The following EVI5 variants were observed in gnomAD, a reference collection of about 807,000 sequenced individuals.
EVI5 encodes the protein ecotropic viral integration site 5 protein homolog.
EVI5 carries 73 observed loss-of-function variants against 112.0 expected under a neutral mutation model. The observed-to-expected ratio is 0.65, with a 90% CI of 0.54 to 0.79. The LOEUF (loss-of-function observed/expected upper bound fraction) is 0.79, where lower values mean the gene tolerates loss of function less well. EVI5 is among the 30% of genes least tolerant of loss of function. The probability of loss-of-function intolerance (pLI) is 0.00; values close to 1 mark genes in which losing one functional copy is unlikely to be tolerated. For synonymous variants in EVI5, 305 were observed against 319.9 expected, an observed-to-expected ratio of 0.95 and a Z score of 0.50; for missense variants, 900 against 968.8, an observed-to-expected ratio of 0.93 and a Z score of 0.94.
intron 11 of EVI5, among the ~76,000 whole-genome samples, chr1:92,664,929 G>A (rs1360152871): frequency 6.6e-6 from 1 of 152,212 alleles, no homozygotes; most frequent in Non-Finnish European, 1.5e-5. Context: ...AAAAGTGGCT[G>A]GGCACGGTGG....
chr1:92,635,176 G>A lies in EVI5; in HGVS notation c.1527+1026C>T, dbSNP rs77897080. Among the ~76,000 whole-genome samples, 16 of 152,288 alleles carry A rather than the reference G, an allele frequency of 1.1e-4. 1 individual carries two copies. Among genetic ancestry groups the A allele is most frequent in the South Asian group, 4.1e-4 (2 of 4,826 alleles). On this transcript the variant is annotated intron_variant, in intron 14 of 19. Coordinates refer to ENST00000684568, the MANE Select transcript of EVI5 (RefSeq NM_001350197.2). ...TGTCGGTTCTCAGATCTCAAGCTGCGTGCTGGGAGAACCACTACTCTCTTC... is the reference window on the plus strand; with the variant it reads ...TGTCGGTTCTCAGATCTCAAGCTGCATGCTGGGAGAACCACTACTCTCTTC...
At chr1:92,514,707 C>A (rs1659603374) in intron 19 of EVI5, among the ~76,000 whole-genome samples, 2 of 152,106 alleles carry the variant, frequency 1.3e-5, no homozygotes, top group Non-Finnish European at 2.9e-5. Flanking sequence ...CATTACACAC[C>A]TCTTGTTCCT....
At chr1:92,689,705 G>C (rs561734154) in intron 9 of EVI5, among the ~76,000 whole-genome samples, 1 of 151,766 alleles carries the variant, frequency 6.6e-6, no homozygotes, top group Non-Finnish European at 1.5e-5. Context: ...TTAGACTATA[G>C]ATTAGTGTCA....
intron 2 of EVI5, among the ~76,000 whole-genome samples, chr1:92,731,523 T>A (rs1676467741): frequency 6.6e-6 from 1 of 152,184 alleles, no homozygotes; most frequent in Admixed American, 6.6e-5. Context: ...AACCAAAATT[T>A]CAGCAGGCGT....
chr1:92,792,267 A>C (rs1461068663), intron 1 of EVI5: 1 of 942,464 alleles, frequency 1.1e-6, no homozygotes, highest in Non-Finnish European at 1.7e-6. Context: ...CTAACTCAAT[A>C]ACAAATTACT....
At chr1:92,715,684 T>A (rs952342440) in intron 2 of EVI5, among the ~76,000 whole-genome samples, 2 of 152,162 alleles carry the variant, frequency 1.3e-5, no homozygotes, top group African/African-American at 4.8e-5. Flanking sequence ...GCACAAGGCT[T>A]CGGGGGATTT....
chr1:92,523,210 A>G (rs1661255500), intron 19 of EVI5, among the ~76,000 whole-genome samples: 1 of 152,080 alleles, frequency 6.6e-6, no homozygotes, highest in South Asian at 2.1e-4. Flanking sequence ...TTATTATGGA[A>G]TATTTTTTTA....
chr1:92,699,737 CAT>C (rs1670854363), intron 5 of EVI5, among the ~76,000 whole-genome samples: 1 of 152,134 alleles, frequency 6.6e-6, no homozygotes, highest in South Asian at 2.1e-4. Context: ...CATGATGGCA[CAT>C]GTTTGTGTAT....
At chr1:92,697,420 G>GA (rs1269954664) in intron 6 of EVI5, among the ~76,000 whole-genome samples, 1 of 151,092 alleles carries the variant, frequency 6.6e-6, no homozygotes. Flanking sequence ...AACATTACAG[G>GA]AAAAAAAATT....
At chr1:92,590,285 GAGA>G (rs1673589703) in intron 18 of EVI5, among the ~76,000 whole-genome samples, 1 of 152,156 alleles carries the variant, frequency 6.6e-6, no homozygotes, top group South Asian at 2.1e-4. Context: ...GACGAGTTGA[GAGA>G]AGAAGGCTTC....
intron 18 of EVI5, among the ~76,000 whole-genome samples, chr1:92,576,590 T>C (rs1011083911): frequency 6.6e-6 from 1 of 152,132 alleles, no homozygotes; most frequent in African/African-American, 2.4e-5. Context: ...GGTAGGCAAG[T>C]AACTGAATAA....
intron 1 of EVI5, among the ~76,000 whole-genome samples, chr1:92,745,535 C>T (rs2102883843): frequency 6.6e-6 from 1 of 152,208 alleles, no homozygotes; most frequent in East Asian, 1.9e-4. Flanking sequence ...AAAAACAGGC[C>T]ACATATGGTG....
chr1:92,538,431 A>G (rs1309238782), intron 19 of EVI5, among the ~76,000 whole-genome samples: 1 of 152,220 alleles, frequency 6.6e-6, no homozygotes, highest in Non-Finnish European at 1.5e-5. Flanking sequence ...AAACACCCTC[A>G]TGAAAATGAA....
intron 1 of EVI5, among the ~76,000 whole-genome samples, chr1:92,765,050 G>C (rs1350363028): frequency 6.6e-6 from 1 of 151,964 alleles, no homozygotes; most frequent in Non-Finnish European, 1.5e-5. Context: ...TTATGAGGCG[G>C]ACAATATAAT....
Position 92,636,184 on chromosome 1 carries a change from T to A in EVI5, c.1527+18A>T. The A allele has an allele frequency of 6.2e-7, 1 of 1,600,080 alleles. No homozygotes were observed. Among genetic ancestry groups the A allele is most frequent in the East Asian group, 2.2e-5 (1 of 44,602 alleles). On this transcript the variant is annotated intron_variant, in intron 14 of 19. Coordinates refer to ENST00000684568, the MANE Select transcript of EVI5 (RefSeq NM_001350197.2). ...CCCCTCTAATTTGGGAATGACTGCATTTGTGTAGGTTTCTTACCTTCTCTA... is the reference window on the plus strand; with the variant it reads ...CCCCTCTAATTTGGGAATGACTGCAATTGTGTAGGTTTCTTACCTTCTCTA...
At chr1:92,786,090 C>CAA (rs10651128), upstream of EVI5, among the ~76,000 whole-genome samples, 1,150 of 144,442 alleles carry the variant, frequency 8.0e-3, 12 homozygotes, top group African/African-American at 0.02. Flanking sequence ...TACTCTGTCT[C>CAA]AAAAAAAAAA....
chr1:92,553,760 C>A (rs1571498955), intron 19 of EVI5, among the ~76,000 whole-genome samples: 1 of 152,130 alleles, frequency 6.6e-6, no homozygotes, highest in Non-Finnish European at 1.5e-5. Context: ...ACAGTTTTTC[C>A]CAGACTACAG....
chr1:92,765,215 CT>C (rs533143502), intron 1 of EVI5, among the ~76,000 whole-genome samples: 156 of 116,416 alleles, frequency 1.3e-3, no homozygotes, highest in Middle Eastern at 4.9e-3. Flanking sequence ...TTTTTCCTTC[CT>C]TTTTTTTTTT....
At chr1:92,583,964 G>T (rs576200247) in intron 18 of EVI5, among the ~76,000 whole-genome samples, 1 of 152,210 alleles carries the variant, frequency 6.6e-6, no homozygotes, top group East Asian at 1.9e-4. Flanking sequence ...TTTTCATAGA[G>T]ATTTCAAAAT....
Sources: allele counts gnomAD v4.1 joint callset (sites outside exome capture counted in the v4.1 genomes callset), GRCh38; gene constraint gnomAD v4.1.1; transcripts MANE v1.5; gene names NCBI Gene and HGNC (gene_info 2026-07-23, HGNC 2026-07-21).